The following PCDHA1 variants were observed in gnomAD, a reference collection of about 807,000 sequenced individuals.
PCDHA1 encodes the protein protocadherin alpha 1.
Under a neutral mutation model 61.3 loss-of-function variants are expected in PCDHA1, and 42 were observed. The ratio of observed to expected loss-of-function variants is 0.69; its 90% CI spans 0.54 to 0.89. The LOEUF (loss-of-function observed/expected upper bound fraction) is 0.89. PCDHA1 is among the 40% of genes least tolerant of loss of function. PCDHA1 has a pLI of 0.00. For synonymous variants in PCDHA1, 610 were observed against 553.8 expected, an observed-to-expected ratio of 1.10 and a Z score of -1.43; for missense variants, 1,256 against 1,235.3, an observed-to-expected ratio of 1.02 and a Z score of -0.25.
intron 1 of PCDHA1, chr5:140,795,456 A>G (rs1234893316): frequency 6.2e-7 from 1 of 1,614,166 alleles, no homozygotes; most frequent in East Asian, 2.2e-5. Context: ...ATATAGGAGT[A>G]AATGCTCTTC....
At chr5:140,929,010 G>A in intron 1 of PCDHA1, 2 of 1,614,128 alleles carry the variant, frequency 1.2e-6, no homozygotes, top group Non-Finnish European at 1.7e-6. Flanking sequence ...TGTGTACCAA[G>A]TTGCACCAGA....
rs368166956 is a variant in PCDHA1, at chr5:140,870,187, G to T, written c.2394+81503G>T. On this transcript the variant is annotated intron_variant, in intron 1 of 3. Coordinates refer to ENST00000504120, the MANE Select transcript of PCDHA1 (RefSeq NM_018900.4). Reference sequence around the variant, plus strand: ...CTTGTCCCTCCCAGTACGAGAGGACGCTCAGCCCAGCACGGTCATTGCCCT... The same window carrying T: ...CTTGTCCCTCCCAGTACGAGAGGACTCTCAGCCCAGCACGGTCATTGCCCT... 55 of 1,614,092 alleles carry T rather than the reference G, an allele frequency of 3.4e-5. No individual in the cohort carries two copies. The African/African-American group carries it at 6.5e-4, about 19-fold the overall frequency.
Position 140,805,384 on chromosome 5 carries a change from T to C in PCDHA1, c.2394+16700T>C, listed in dbSNP as rs112955193. On this transcript the variant is annotated intron_variant, in intron 1 of 3. Coordinates refer to ENST00000504120, the MANE Select transcript of PCDHA1 (RefSeq NM_018900.4). ...GGGTCCCCACATAGTGAAAGTACTC[T>C]GGTTTCTGTTTGATTCAGAAATTTG... is the stretch of plus-strand genomic sequence containing the variant. 5.4e-4 allele frequency: 594 copies of C among 1,106,388 alleles called. 2 individuals are homozygous for C. In the African/African-American group the frequency reaches 8.8e-3, roughly 16 times the overall value. The allele number at this position is 1,106,388 out of a possible 1,614,324, so 68.5% of individuals were successfully genotyped here.
intron 1 of PCDHA1, chr5:140,825,329 C>T (rs1171364068): frequency 6.9e-6 from 1 of 145,626 alleles, no homozygotes; most frequent in South Asian, 2.1e-4. Flanking sequence ...TGGAAATTTG[C>T]ATATTTTTCA....
chr5:140,900,424 C>T (rs557118930), intron 1 of PCDHA1, among the ~76,000 whole-genome samples: 151 of 152,214 alleles, frequency 9.9e-4, no homozygotes, highest in African/African-American at 3.3e-3. Flanking sequence ...ATTATAGGCA[C>T]GTGCCACCAC....
chr5:140,802,971 G>A (rs782454635), intron 1 of PCDHA1: 2 of 1,613,884 alleles, frequency 1.2e-6, no homozygotes, highest in Non-Finnish European at 1.7e-6. Flanking sequence ...CCACGTGGTA[G>A]CGAAGGTGCG....
intron 1 of PCDHA1, among the ~76,000 whole-genome samples, chr5:140,918,702 G>A (rs2078814490): frequency 6.6e-6 from 1 of 152,150 alleles, no homozygotes; most frequent in Non-Finnish European, 1.5e-5. Flanking sequence ...ATTAAGTCAT[G>A]AGGGCAGAGC....
chr5:140,982,300 G>A (rs2096976836), intron 2 of PCDHA1, 175 bp from the exon 3 acceptor site: 1 of 1,204,506 alleles, frequency 8.3e-7, no homozygotes, highest in South Asian at 1.7e-5. Flanking sequence ...AGTCAGCAAT[G>A]CTTCTGCAGT....
intron 1 of PCDHA1, chr5:140,870,971 T>TG (rs782370379): frequency 3.7e-6 from 6 of 1,613,594 alleles, no homozygotes; most frequent in Non-Finnish European, 5.1e-6. Context: ...CCGTTCCGCG[T>TG]GGGGCTGTAC....
At chr5:140,822,017 G>A in intron 1 of PCDHA1, 8 of 1,614,172 alleles carry the variant, frequency 5.0e-6, no homozygotes, top group African/African-American at 2.7e-5. Flanking sequence ...CTGCAGAATG[G>A]CATTTTGTTT....
intron 1 of PCDHA1, among the ~76,000 whole-genome samples, chr5:140,819,828 T>C (rs1766632224): frequency 1.3e-5 from 2 of 152,058 alleles, no homozygotes; most frequent in South Asian, 2.1e-4. Flanking sequence ...GAACTGATAT[T>C]GTTGATGACT....
intron 1 of PCDHA1, among the ~76,000 whole-genome samples, chr5:140,896,034 C>T (rs2065325543): frequency 6.6e-6 from 1 of 152,192 alleles, no homozygotes; most frequent in South Asian, 2.1e-4. Flanking sequence ...TGGTCTCGAA[C>T]TCCTGACCTC....
At position 140,843,837 on chromosome 5, in the gene PCDHA1, T is replaced by C. The variant is rs1433979959; in HGVS notation, c.2394+55153T>C. ...GTGAAAATTTAAACATTGTTTAGTT[T>C]TTAGAAACCTTTTATAATTAATTGA... On this transcript the variant is annotated intron_variant, in intron 1 of 3. Coordinates refer to ENST00000504120, the MANE Select transcript of PCDHA1 (RefSeq NM_018900.4). The C allele has an allele frequency of 3.8e-5, 40 of 1,048,116 alleles. 5 individuals are homozygous for C. The Admixed American group carries it at 1.1e-3, about 28-fold the overall frequency. 64.9% of individuals were successfully genotyped at this position (1,048,116 alleles called of 1,614,324 possible). A position where few individuals can be genotyped will look rare whatever the true frequency, so the allele number is the denominator to read the frequency against.
rs1762953312 is a variant in PCDHA1 at position 140,802,575 on chromosome 5, T to C, written c.2394+13891T>C. On this transcript the variant is annotated intron_variant, in intron 1 of 3. Coordinates refer to ENST00000504120, the MANE Select transcript of PCDHA1 (RefSeq NM_018900.4). ...TGCGCCGGCATTCTCGCAGTCCGAG[T>C]ACACGGTGTTCGTGAAGGAGAACAA... The C allele has an allele frequency of 6.8e-6, 11 of 1,613,424 alleles. No individual in the cohort carries two copies. The highest frequency in any genetic ancestry group is 6.8e-6 in the Non-Finnish European group (8 of 1,179,886).
intron 3 of PCDHA1, among the ~76,000 whole-genome samples, chr5:140,997,872 C>G (rs1053678533): frequency 6.6e-6 from 1 of 152,094 alleles, no homozygotes; most frequent in African/African-American, 2.4e-5. Context: ...TGCATGCTTG[C>G]TAGTATTTAT....
At chr5:140,824,084 C>T (rs1247556013) in intron 1 of PCDHA1, 2 of 1,614,074 alleles carry the variant, frequency 1.2e-6, no homozygotes, top group African/African-American at 1.3e-5. Context: ...GACCTCATGG[C>T]CTTCAGTCCA....
At chr5:140,924,903 AAAT>A (rs782701584) in intron 1 of PCDHA1, among the ~76,000 whole-genome samples, 3,132 of 54,516 alleles carry the variant, frequency 0.057, 46 homozygotes, top group African/African-American at 0.096. Context: ...TCAAAAAAAA[AAAT>A]AAAATAAAAT....
chr5:140,871,570 T>A, intron 1 of PCDHA1: 1 of 1,480,760 alleles, frequency 6.8e-7, no homozygotes, highest in Non-Finnish European at 9.0e-7. Context: ...TTCACGGATT[T>A]TTTAAGGGAA....
At chr5:140,874,625 T>C (rs1342932675) in intron 1 of PCDHA1, among the ~76,000 whole-genome samples, 3 of 152,238 alleles carry the variant, frequency 2.0e-5, no homozygotes, top group Admixed American at 6.5e-5. Flanking sequence ...ACATTTTACA[T>C]TAAAGTGCTT....
Sources: gnomAD v4.1 joint callset for allele counts (sites outside exome capture counted in the v4.1 genomes callset) on GRCh38, gnomAD v4.1.1 for gene constraint, MANE v1.5 for transcripts, NCBI Gene and HGNC (gene_info 2026-07-23, HGNC 2026-07-21) for gene names.